The following SLC6A3 variants were observed in gnomAD, a reference collection of about 807,000 sequenced individuals.
SLC6A3 encodes solute carrier family 6 member 3.
SLC6A3 carries 19 observed loss-of-function variants against 70.4 expected under a neutral mutation model. The ratio of observed to expected loss-of-function variants is 0.27; its 90% CI spans 0.19 to 0.40. The LOEUF is 0.40. Ranked by LOEUF, SLC6A3 falls within the 10% of genes least tolerant of loss-of-function variation. SLC6A3 has a pLI of 1.00. For synonymous variants in SLC6A3, 368 were observed against 356.6 expected, an observed-to-expected ratio of 1.03 and a Z score of -0.36; for missense variants, 613 against 838.5, an observed-to-expected ratio of 0.73 and a Z score of 3.32.
chr5:1,427,779 C>T (rs568632303), intron 4 of SLC6A3, among the ~76,000 whole-genome samples: 21 of 152,238 alleles, frequency 1.4e-4, no homozygotes, highest in Admixed American at 5.2e-4. Context: ...AATGGTAAAG[C>T]GGTCAATTCA....
chr5:1,439,815 A>G (rs1227423578), intron 3 of SLC6A3, among the ~76,000 whole-genome samples: 1 of 152,240 alleles, frequency 6.6e-6, no homozygotes, highest in African/African-American at 2.4e-5. Flanking sequence ...GCTTTGGCCC[A>G]CTGGGCAAGT....
In SLC6A3 at chr5:1,404,568, CCA is replaced by C. The variant is rs2126327886; in HGVS notation, c.1600-1481_1600-1480del. Reference sequence around the variant, plus strand: ...TTTAGCAGTGCTGTGGCATCATCTGCCACAGAGTCATCTGAACGAGACTGGGG... The same window carrying C: ...TTTAGCAGTGCTGTGGCATCATCTGCCAGAGTCATCTGAACGAGACTGGGG... On this transcript the variant is annotated intron_variant, in intron 12 of 14. Transcript: ENST00000270349. This position sits in a 1 kb window ranked among gnomAD's most constrained non-coding sequence, Gnocchi z 5.2. Among the ~76,000 whole-genome samples the C allele has an allele frequency of 6.6e-6, 1 of 152,354 alleles. No individual in the cohort carries two copies. Among genetic ancestry groups the C allele is most frequent in the East Asian group, 1.9e-4 (1 of 5,186 alleles).
At chr5:1,433,893 G>A (rs769082597) in intron 3 of SLC6A3, among the ~76,000 whole-genome samples, 33 of 151,002 alleles carry the variant, frequency 2.2e-4, no homozygotes, top group Non-Finnish European at 3.1e-4. Flanking sequence ...ACATCCACCC[G>A]GCCATCCACA....
Position 1,402,883 on chromosome 5 carries a change from C to T in SLC6A3, c.1767+39G>A, listed in dbSNP as rs199968529. 5.4e-5 allele frequency: 87 copies of T among 1,605,064 alleles called. No individual in the cohort carries two copies. The African/African-American group carries it at 1.0e-3, about 19-fold the overall frequency. On this transcript the variant is annotated intron_variant, in intron 13 of 14. Transcript: ENST00000270349. The surrounding 1 kb of genome is among the most constrained non-coding windows in gnomAD (Gnocchi z 8.5). Reference sequence around the variant, plus strand: ...GACACCCACGGAGCCTTTCTGGTGGCCTCACACTCGGGTGAAGGCGCCCCG... The same window carrying T: ...GACACCCACGGAGCCTTTCTGGTGGTCTCACACTCGGGTGAAGGCGCCCCG...
rs1274987881 is a variant in SLC6A3, at chr5:1,393,477, GT to G, written c.*1257del. ...GCCATTCGCAAACATAAAAACTGTT[GT>G]TATTGATGTGGCACGCACCTGAGAG... On this transcript the variant is annotated 3_prime_UTR_variant, in exon 15 of 15. Coordinates refer to ENST00000270349, the MANE Select transcript of SLC6A3 (RefSeq NM_001044.5). The G allele has an allele frequency of 6.5e-6, 1 of 153,594 alleles. No individual in the cohort carries two copies. 9.5% of individuals were successfully genotyped at this position (153,594 alleles called of 1,614,324 possible).
At chr5:1,403,355 C>T (rs1160282361) in intron 12 of SLC6A3, among the ~76,000 whole-genome samples, 2 of 111,434 alleles carry the variant, frequency 1.8e-5, no homozygotes, top group African/African-American at 6.9e-5. Flanking sequence ...CTCTCCTCCC[C>T]TCCCCTCCCA....
In SLC6A3 at chr5:1,397,589, C is replaced by A. The variant is rs1432057253; in HGVS notation, c.1840-2831G>T. On this transcript the variant is annotated intron_variant, in intron 14 of 14. Coordinates refer to ENST00000270349, the MANE Select transcript of SLC6A3 (RefSeq NM_001044.5). The surrounding 1 kb of genome is among the most constrained non-coding windows in gnomAD (Gnocchi z 4.7). ...GGCTCACAGGCCACACATCTCAGCA[C>A]AGCCACGGAACACTGCTGCCTCCAA... Among the ~76,000 whole-genome samples, 1 of 152,172 alleles carries A rather than the reference C, an allele frequency of 6.6e-6. No homozygotes were observed. The highest frequency in any genetic ancestry group is 1.9e-4 in the East Asian group (1 of 5,196).
chr5:1,444,732 G>T (rs1733758030), intron 1 of SLC6A3, among the ~76,000 whole-genome samples: 3 of 152,224 alleles, frequency 2.0e-5, no homozygotes, highest in Non-Finnish European at 4.4e-5. Flanking sequence ...GGGGCCACCT[G>T]ACCCCGCTCC....
chr5:1,419,233 G>T (rs1212746989), intron 6 of SLC6A3, among the ~76,000 whole-genome samples: 1 of 146,696 alleles, frequency 6.8e-6, no homozygotes, highest in Non-Finnish European at 1.5e-5. Flanking sequence ...CATACATCCA[G>T]CCAGCCAGCC....
At position 1,411,777 on chromosome 5, in the gene SLC6A3, CCATGCAACATACACACTCAGACACACAT is replaced by C. The variant is rs1756132265; in HGVS notation, c.1157-450_1157-423del. 6.6e-6 allele frequency among the ~76,000 whole-genome samples: 1 copy of C among 151,830 alleles called. No individual in the cohort carries two copies. Among genetic ancestry groups the C allele is most frequent in the East Asian group, 1.9e-4 (1 of 5,184 alleles). On this transcript the variant is annotated intron_variant, in intron 8 of 14. Coordinates refer to ENST00000270349, the MANE Select transcript of SLC6A3 (RefSeq NM_001044.5). The surrounding 1 kb of genome is among the most constrained non-coding windows in gnomAD (Gnocchi z 6.5). ...CAACATACACACTCAGACACACATA[CCATGCAACATACACACTCAGACACACAT>C]ACCATGCAACATACACACTCAGACA...
chr5:1,394,519 G>A lies in SLC6A3; in HGVS notation c.*216C>T, dbSNP rs557021229. 50 of 661,902 alleles carry A rather than the reference G, an allele frequency of 7.6e-5. No individual in the cohort carries two copies. The highest frequency in any genetic ancestry group is 4.1e-4 in the African/African-American group (23 of 56,200). 41.0% of individuals were successfully genotyped at this position (661,902 alleles called of 1,614,324 possible). A position where few individuals can be genotyped will look rare whatever the true frequency, so the allele number is the denominator to read the frequency against. On this transcript the variant is annotated 3_prime_UTR_variant, in exon 15 of 15. Coordinates refer to ENST00000270349, the MANE Select transcript of SLC6A3 (RefSeq NM_001044.5). The surrounding 1 kb of genome is among the most constrained non-coding windows in gnomAD (Gnocchi z 4.7). The stretch of plus-strand genomic sequence containing the variant: ...GGACCTCGCTGCACAGATCTACGTC[G>A]TTATTACAGCAACACAAGACACGGC...
chr5:1,428,076 C>T (rs893266042), intron 4 of SLC6A3, among the ~76,000 whole-genome samples: 1 of 151,838 alleles, frequency 6.6e-6, no homozygotes, highest in Non-Finnish European at 1.5e-5. Flanking sequence ...GAACATTCAC[C>T]AGTGTAAACC....
At position 1,408,078 on chromosome 5, in the gene SLC6A3, G is replaced by A. The variant is rs147854597; in HGVS notation, c.1498+948C>T. ...TGCAGTGGTGCAATCTCGGGTGACT[G>A]CAACCTCCGCCTTCCGGGTTCAAGC... On this transcript the variant is annotated intron_variant, in intron 11 of 14. Coordinates refer to ENST00000270349, the MANE Select transcript of SLC6A3 (RefSeq NM_001044.5). The surrounding 1 kb of genome is among the most constrained non-coding windows in gnomAD (Gnocchi z 6.4). Among the ~76,000 whole-genome samples, 1 of 152,078 alleles carries A rather than the reference G, an allele frequency of 6.6e-6. No homozygotes were observed. Among genetic ancestry groups the A allele is most frequent in the Non-Finnish European group, 1.5e-5 (1 of 68,012 alleles).
At position 1,441,403 on chromosome 5, in the gene SLC6A3, C is replaced by T; in HGVS notation, c.374G>A (p.Arg125Lys). The T allele has an allele frequency of 3.1e-6, 5 of 1,614,266 alleles. No homozygotes were observed. The highest frequency in any genetic ancestry group is 1.3e-5 in the African/African-American group (1 of 75,074). The change falls in exon 3 of 15, where the codon AGG (arginine) becomes AAG (lysine). Residue 125 changes from arginine (R) to lysine (K), a missense_variant. Arg to Lys is a conservative substitution (Grantham distance 26). Coordinates refer to ENST00000270349, the MANE Select transcript of SLC6A3 (RefSeq NM_001044.5). ...CTTCCAGACACCAGCGGCCCCTTCC[C>T]TGTTGAACTGGCCGAGGGCCAGCTC... ...YMELALGQFN[R>K]EGAAGVWKIC...
intron 4 of SLC6A3, among the ~76,000 whole-genome samples, chr5:1,430,828 A>G (rs555998799): frequency 1.1e-3 from 13 of 12,080 alleles, no homozygotes; most frequent in Admixed American, 8.0e-3. Context: ...TTAACATGAG[A>G]TGCTTCATTT....
Position 1,422,023 on chromosome 5 carries a change from G to A in SLC6A3, c.654-9C>T, listed in dbSNP as rs1756448742. On this transcript the variant is annotated splice_polypyrimidine_tract_variant and intron_variant, in intron 4 of 14. Transcript: ENST00000270349. ...GGTGCAGCACGCCACGTCTGCAGAGGGGAGTCAGCGGGGGACTCTGTGGGT... is the reference window on the plus strand; with the variant it reads ...GGTGCAGCACGCCACGTCTGCAGAGAGGAGTCAGCGGGGGACTCTGTGGGT... 1.2e-6 allele frequency: 2 copies of A among 1,609,340 alleles called. No individual in the cohort carries two copies. The highest frequency in any genetic ancestry group is 8.5e-7 in the Non-Finnish European group (1 of 1,179,652).
chr5:1,443,605 A>G (rs1733733742), intron 1 of SLC6A3, among the ~76,000 whole-genome samples: 1 of 152,242 alleles, frequency 6.6e-6, no homozygotes, highest in Non-Finnish European at 1.5e-5. Flanking sequence ...ACACTTCCAG[A>G]GAGCAATTTT....
chr5:1,411,868 CAT>C lies in SLC6A3; in HGVS notation c.1157-515_1157-514del, dbSNP rs57390527. Among the ~76,000 whole-genome samples the C allele has an allele frequency of 1.6e-3, 246 of 151,536 alleles. 1 individual carries two copies. Among genetic ancestry groups the C allele is most frequent in the African/African-American group, 5.8e-3 (240 of 41,040 alleles). The stretch of plus-strand genomic sequence containing the variant: ...AACATACACACTCAGACACACATAC[CAT>C]GCAACATACACACTCAGACACACAT... On this transcript the variant is annotated intron_variant, in intron 8 of 14. Transcript: ENST00000270349. This position sits in a 1 kb window ranked among gnomAD's most constrained non-coding sequence, Gnocchi z 6.5.
chr5:1,439,615 C>T (rs1222173527), intron 3 of SLC6A3, among the ~76,000 whole-genome samples: 1 of 152,252 alleles, frequency 6.6e-6, no homozygotes, highest in African/African-American at 2.4e-5. Context: ...AGGCCCACCC[C>T]TGACCCATTG....
Sources: gnomAD v4.1 joint callset for allele counts (sites outside exome capture counted in the v4.1 genomes callset) on GRCh38, gnomAD v4.1.1 for gene constraint, Gnocchi (gnomAD v3.1) non-coding constraint, MANE v1.5 for transcripts, NCBI Gene and HGNC (gene_info 2026-07-23, HGNC 2026-07-21) for gene names.